CDH9: variants seen among roughly 807,000 people sequenced by gnomAD.
CDH9 encodes cadherin-9.
Under a neutral mutation model 70.9 loss-of-function variants are expected in CDH9, and 28 were observed. The ratio of observed to expected loss-of-function variants is 0.40; its 90% CI spans 0.29 to 0.54. The LOEUF (loss-of-function observed/expected upper bound fraction) is 0.54, where lower values mean the gene tolerates loss of function less well. Among genes scored for constraint, CDH9 ranks in the 20% least tolerant of loss-of-function variants. The probability of loss-of-function intolerance (pLI) is 0.59; values close to 1 mark genes in which losing one functional copy is unlikely to be tolerated. For missense variants in CDH9, 874 were observed against 984.4 expected, an observed-to-expected ratio of 0.89 and a Z score of 1.50; for synonymous variants, 409 against 343.1, an observed-to-expected ratio of 1.19 and a Z score of -2.12.
At chr5:26,955,586 CT>C (rs1741932826) in intron 2 of CDH9, among the ~76,000 whole-genome samples, 1 of 149,364 alleles carries the variant, frequency 6.7e-6, no homozygotes, top group South Asian at 2.1e-4. Context: ...CTCTCTCTCT[CT>C]CTCTCTCTCT....
At chr5:26,952,997 T>A (rs1203842994) in intron 2 of CDH9, among the ~76,000 whole-genome samples, 1 of 151,406 alleles carries the variant, frequency 6.6e-6, no homozygotes, top group Non-Finnish European at 1.5e-5. Context: ...AATTTCATAA[T>A]TAGGGAGGAT....
chr5:27,023,370 A>G (rs1743171584), intron 1 of CDH9, among the ~76,000 whole-genome samples: 1 of 152,120 alleles, frequency 6.6e-6, no homozygotes, highest in Non-Finnish European at 1.5e-5. Context: ...GCCCAACCAC[A>G]GTAGTGAATT....
intron 2 of CDH9, among the ~76,000 whole-genome samples, chr5:26,979,190 T>A (rs1293578691): frequency 6.6e-6 from 1 of 151,656 alleles, no homozygotes; most frequent in African/African-American, 2.4e-5. Flanking sequence ...GTTTACAATA[T>A]ATATAAGAAA....
chr5:27,023,679 T>C (rs1464782839), intron 1 of CDH9, among the ~76,000 whole-genome samples: 1 of 152,044 alleles, frequency 6.6e-6, no homozygotes, highest in Non-Finnish European at 1.5e-5. Context: ...AATCCGTAAC[T>C]ATATTGAATC....
intron 1 of CDH9, among the ~76,000 whole-genome samples, chr5:27,006,689 A>G (rs1378507082): frequency 6.6e-6 from 1 of 152,136 alleles, no homozygotes; most frequent in Non-Finnish European, 1.5e-5. Flanking sequence ...CAATGATTGC[A>G]TTTGAGTACA....
intron 2 of CDH9, among the ~76,000 whole-genome samples, chr5:26,965,065 G>A (rs939658108): frequency 6.6e-6 from 1 of 151,674 alleles, no homozygotes; most frequent in Non-Finnish European, 1.5e-5. Context: ...ATTCTTATTG[G>A]TCTCTTACTG....
intron 1 of CDH9, among the ~76,000 whole-genome samples, chr5:27,016,878 T>C (rs559753277): frequency 1.4e-4 from 22 of 151,924 alleles, no homozygotes; most frequent in Non-Finnish European, 4.4e-5. Context: ...TAAATCCTTA[T>C]AGTTTTCTAA....
chr5:26,928,361 G>T lies in CDH9; in HGVS notation c.229-12437C>A, dbSNP rs375479414. On this transcript the variant is annotated intron_variant, in intron 2 of 11. Transcript: ENST00000231021. ...AGAAAGGAGAGGATGCAATAAAATA[G>T]AAAGAATTTTATGTTCATAGTTTGG... 9.9e-5 allele frequency among the ~76,000 whole-genome samples: 15 copies of T among 152,026 alleles called. No homozygotes were observed. In the East Asian group the frequency reaches 2.9e-3, roughly 29 times the overall value.
chr5:27,007,897 T>G (rs1274722820), intron 1 of CDH9, among the ~76,000 whole-genome samples: 2 of 152,056 alleles, frequency 1.3e-5, no homozygotes, highest in Non-Finnish European at 2.9e-5. Flanking sequence ...AATTAGATAT[T>G]AGGATGAATA....
In CDH9 at chr5:26,885,758, T is replaced by C. The variant is rs1740554336; in HGVS notation, c.1738A>G (p.Ser580Gly). The change falls in exon 11 of 12, where the codon AGC becomes GGC. Residue 580 changes from serine (S) to glycine (G), a missense_variant. Coordinates refer to ENST00000231021, the MANE Select transcript of CDH9 (RefSeq NM_016279.4). ...IFDNDYPIQS[S>G]TGTLTIRVCA... ...ACACGGATAGTGAGTGTACCAGTGC[T>C]GCTTTGAATTGGATAATCGTTGTCA... The C allele has an allele frequency of 6.2e-7, 1 of 1,613,798 alleles. No homozygotes were observed. Among genetic ancestry groups the C allele is most frequent in the South Asian group, 1.1e-5 (1 of 91,084 alleles).
At chr5:26,991,595 T>C (rs1296522875) in intron 1 of CDH9, among the ~76,000 whole-genome samples, 2 of 152,186 alleles carry the variant, frequency 1.3e-5, no homozygotes, top group African/African-American at 4.8e-5. Context: ...TTTTAACTGA[T>C]CAATTGCCCA....
chr5:27,026,061 G>T (rs1743215268), intron 1 of CDH9, among the ~76,000 whole-genome samples: 1 of 151,642 alleles, frequency 6.6e-6, no homozygotes, highest in Non-Finnish European at 1.5e-5. Flanking sequence ...TGAACTCTCT[G>T]TTTGAAATTT....
intron 1 of CDH9, among the ~76,000 whole-genome samples, chr5:27,032,811 A>G (rs529134345): frequency 6.3e-4 from 96 of 151,584 alleles, no homozygotes; most frequent in Admixed American, 2.0e-3. Context: ...TAGCTTATTG[A>G]CTCTCGGGGA....
chr5:26,990,670 G>A (rs777357357), intron 1 of CDH9, among the ~76,000 whole-genome samples: 1 of 152,180 alleles, frequency 6.6e-6, no homozygotes. Flanking sequence ...CCCATGTTTT[G>A]TAGCTGAGTG....
intron 1 of CDH9, among the ~76,000 whole-genome samples, chr5:26,999,421 T>C (rs867620067): frequency 2.0e-5 from 3 of 152,174 alleles, no homozygotes; most frequent in Non-Finnish European, 2.9e-5. Flanking sequence ...AAATAATAAA[T>C]TTAATGGCAA....
chr5:26,927,265 A>G (rs1741359732), intron 2 of CDH9, among the ~76,000 whole-genome samples: 1 of 152,052 alleles, frequency 6.6e-6, no homozygotes, highest in Admixed American at 6.6e-5. Flanking sequence ...ACACAACATG[A>G]GCCATATATG....
At chr5:26,930,680 G>C (rs188361930) in intron 2 of CDH9, among the ~76,000 whole-genome samples, 9 of 152,118 alleles carry the variant, frequency 5.9e-5, no homozygotes, top group Admixed American at 5.9e-4. Context: ...GTTATTAATT[G>C]CAAAGGTATA....
chr5:26,991,089 T>C (rs1256462390), intron 1 of CDH9, among the ~76,000 whole-genome samples: 2 of 152,174 alleles, frequency 1.3e-5, no homozygotes, highest in Non-Finnish European at 2.9e-5. Context: ...TGGTGCAGAC[T>C]AGAAAATAGG....
intron 1 of CDH9, among the ~76,000 whole-genome samples, chr5:27,024,660 T>C (rs1275435137): frequency 6.6e-6 from 1 of 152,112 alleles, no homozygotes; most frequent in African/African-American, 2.4e-5. Flanking sequence ...CCACAGTCAT[T>C]AACAACAATT....
Sources: gnomAD v4.1 joint callset for allele counts (sites outside exome capture counted in the v4.1 genomes callset) on GRCh38, gnomAD v4.1.1 for gene constraint, MANE v1.5 for transcripts, NCBI Gene and HGNC (gene_info 2026-07-23, HGNC 2026-07-21) for gene names.